Variants in TSR1 observed in about 807,000 individuals in gnomAD.
TSR1 encodes the protein TSR1 ribosome maturation factor.
A neutral mutation model predicts 90.9 loss-of-function variants in TSR1; 81 were observed. That is an observed-to-expected ratio of 0.89 (90% CI 0.74 to 1.07). The LOEUF is 1.07. Among genes scored for constraint, TSR1 ranks in the 50% least tolerant of loss-of-function variants. The probability of loss-of-function intolerance (pLI) is 0.00; values close to 1 mark genes in which losing one functional copy is unlikely to be tolerated. For synonymous variants in TSR1, 362 were observed against 348.8 expected, an observed-to-expected ratio of 1.04 and a Z score of -0.42; for missense variants, 989 against 987.3, an observed-to-expected ratio of 1.00 and a Z score of -0.02.
intron 9 of TSR1, 88 bp downstream of exon 9, chr17:2,330,859 G>T: frequency 6.9e-7 from 1 of 1,448,542 alleles, no homozygotes; most frequent in Non-Finnish European, 9.3e-7. Flanking sequence ...CCCAAATGCA[G>T]CATATTTTCA....
Position 2,336,382 on chromosome 17 carries a change from G to A in TSR1, c.46C>T (p.His16Tyr). 2 of 1,613,560 alleles carry A rather than the reference G, an allele frequency of 1.2e-6. No individual in the cohort carries two copies. The highest frequency in any genetic ancestry group is 1.7e-6 in the Non-Finnish European group (2 of 1,180,040). Residue 16 changes from histidine to tyrosine, a missense_variant, in exon 1 of 15, where the codon CAT becomes TAT. Coordinates refer to ENST00000301364, the MANE Select transcript of TSR1 (RefSeq NM_018128.5). ...CGACCCCGATGCCGTCCGCCTTTAT[G>A]AGCTTTATTCTGCTGCTTGAGCGGG... ...PGPLKQQNKA[H>Y]KGGRHRGRGS...
intron 10 of TSR1, chr17:2,330,246 C>A: frequency 1.7e-6 from 1 of 580,260 alleles, no homozygotes; most frequent in South Asian, 1.4e-5. Context: ...AGGCTGCCAA[C>A]CCTTATTCAA....
At chr17:2,329,241 A>C in intron 11 of TSR1, 102 bp downstream of exon 11, 11 of 1,532,284 alleles carry the variant, frequency 7.2e-6, no homozygotes, top group South Asian at 1.1e-5. Flanking sequence ...CCTCTAACCC[A>C]GAGATGTAAG....
In TSR1 at chr17:2,325,943, T is replaced by A. The variant is rs552248345; in HGVS notation, c.1904-523A>T. Among the ~76,000 whole-genome samples the A allele has an allele frequency of 1.3e-4, 20 of 152,284 alleles. No individual in the cohort carries two copies. The East Asian group carries it at 1.9e-3, about 15-fold the overall frequency. On this transcript the variant is annotated intron_variant, in intron 11 of 14. Coordinates refer to ENST00000301364, the MANE Select transcript of TSR1 (RefSeq NM_018128.5). ...TAACTTTTTATTTATTTATTTATTT[T>A]GAGATGGTGTCTCGCTCTTGTTGCC...
intron 11 of TSR1, among the ~76,000 whole-genome samples, chr17:2,326,336 G>A (rs2075575905): frequency 6.6e-6 from 1 of 152,086 alleles, no homozygotes; most frequent in African/African-American, 2.4e-5. Flanking sequence ...CTAGGACGAT[G>A]TTCAGAAGCC....
intron 10 of TSR1, chr17:2,330,107 C>G: frequency 2.8e-6 from 1 of 358,586 alleles, no homozygotes; most frequent in Non-Finnish European, 5.5e-6. Flanking sequence ...TTGGTAGAGA[C>G]AGGGTTCCTC....
At chr17:2,325,484 T>C in intron 11 of TSR1, 64 bp from the exon 12 acceptor site, 1 of 1,234,000 alleles carries the variant, frequency 8.1e-7, no homozygotes, top group Non-Finnish European at 1.2e-6. Flanking sequence ...GATAGAGGCC[T>C]GTGAAAAGCT....
chr17:2,333,079 C>G lies in TSR1; in HGVS notation c.1187G>C (p.Gly396Ala). Reference sequence around the variant, plus strand: ...CCATTCAGCTTGGTAACTGGATGTTCCTTTGGGGACCTTCTTTACCACCTT... The same window carrying G: ...CCATTCAGCTTGGTAACTGGATGTTGCTTTGGGGACCTTCTTTACCACCTT... ...SSKVVKKVPKGTSSYQAEWIL... is the reference protein window; with the variant it reads ...SSKVVKKVPKATSSYQAEWIL... The change falls in exon 7 of 15, where the codon GGA (glycine) becomes GCA (alanine). Residue 396 changes from glycine to alanine, a missense_variant. Coordinates refer to ENST00000301364, the MANE Select transcript of TSR1 (RefSeq NM_018128.5). 6.2e-7 allele frequency: 1 copy of G among 1,614,132 alleles called. No individual in the cohort carries two copies. Among genetic ancestry groups the G allele is most frequent in the Non-Finnish European group, 8.5e-7 (1 of 1,180,030 alleles).
chr17:2,331,909 G>C (rs1343591277), intron 8 of TSR1, among the ~76,000 whole-genome samples: 1 of 152,056 alleles, frequency 6.6e-6, no homozygotes, highest in Non-Finnish European at 1.5e-5. Flanking sequence ...TGGCTCCTTT[G>C]GGAAGAAGTA....
Position 2,323,545 on chromosome 17 carries a change from G to T in TSR1, c.*651C>A. On this transcript the variant is annotated 3_prime_UTR_variant, in exon 15 of 15. Transcript: ENST00000301364. ...TAAAGAAAAGCTTTGGGAAGCGTGT[G>T]TACACAGTGATAAGAAAATTCAAAC... The T allele has an allele frequency of 7.8e-7, 1 of 1,273,888 alleles. No homozygotes were observed. The highest frequency in any genetic ancestry group is 1.1e-6 in the Non-Finnish European group (1 of 894,824). The allele number at this position is 1,273,888 out of a possible 1,614,324, so 78.9% of individuals were successfully genotyped here. A position where few individuals can be genotyped will look rare whatever the true frequency, so the allele number is the denominator to read the frequency against.
rs759910186 is a variant in TSR1, at chr17:2,335,550, G to A, written c.382C>T (p.Arg128Cys). The change falls in exon 3 of 15, where the codon CGC (arginine) becomes TGC (cysteine). Residue 128 changes from arginine to cysteine, a missense_variant. Transcript: ENST00000301364. ...GTGAAAAACCACCGATGTTTCAAGC[G>A]GGGGCACAGCAGCATAAAGTTCTGG... is the stretch of plus-strand genomic sequence containing the variant. Reference protein sequence around the residue: ...NTQNFMLLCPRLKHRWFFTSA... With the variant: ...NTQNFMLLCPCLKHRWFFTSA... 4.3e-6 allele frequency: 7 copies of A among 1,613,942 alleles called. No individual in the cohort carries two copies. In the African/African-American group the frequency reaches 5.3e-5, roughly 12 times the overall value.
chr17:2,332,765 A>C (rs188660411), intron 7 of TSR1, among the ~76,000 whole-genome samples, 196 bp downstream of exon 7: 48 of 152,244 alleles, frequency 3.2e-4, no homozygotes, highest in African/African-American at 1.2e-3. Context: ...TGAACCCAGG[A>C]GGGAGAGCTT....
rs763726412 is a variant in TSR1 at position 2,335,663 on chromosome 17, A to G, written c.269T>C (p.Leu90Pro). The change falls in exon 3 of 15, where the codon CTG becomes CCG. Residue 90 changes from leucine to proline, a missense_variant. By Grantham distance (98) the Leu-to-Pro change is moderately conservative. Transcript: ENST00000301364. Reference sequence around the variant, plus strand: ...CTCTGGCAGGGAAATTCTGCTGTGCAGGGGCACCACCAGTACCTGATGAGG... The same window carrying G: ...CTCTGGCAGGGAAATTCTGCTGTGCGGGGGCACCACCAGTACCTGATGAGG... ...GPPHQVLVVPLHSRISLPEAM... is the reference protein window; with the variant it reads ...GPPHQVLVVPPHSRISLPEAM... 6.2e-7 allele frequency: 1 copy of G among 1,614,102 alleles called. No individual in the cohort carries two copies. The highest frequency in any genetic ancestry group is 2.2e-5 in the East Asian group (1 of 44,876).
At position 2,323,555 on chromosome 17, in the gene TSR1, A is replaced by G; in HGVS notation, c.*641T>C. The G allele has an allele frequency of 7.6e-7, 1 of 1,323,476 alleles. No individual in the cohort carries two copies. The allele number at this position is 1,323,476 out of a possible 1,614,324, so 82.0% of individuals were successfully genotyped here. The stretch of plus-strand genomic sequence containing the variant: ...CTTTGGGAAGCGTGTGTACACAGTG[A>G]TAAGAAAATTCAAACTGGACACGTA... On this transcript the variant is annotated 3_prime_UTR_variant, in exon 15 of 15. Transcript: ENST00000301364.
In TSR1 at chr17:2,323,348, G is replaced by C. The variant is rs1243270658; in HGVS notation, c.*848C>G. 6 of 1,613,780 alleles carry C rather than the reference G, an allele frequency of 3.7e-6. No individual in the cohort carries two copies. Among genetic ancestry groups the C allele is most frequent in the Non-Finnish European group, 5.1e-6 (6 of 1,179,850 alleles). ...CTGTCACAGAGGATGAAATTAAGGT[G>C]AGGCTCCAGCAAGAAAAGAAATAGC... On this transcript the variant is annotated 3_prime_UTR_variant, in exon 15 of 15. Transcript: ENST00000301364.
chr17:2,324,453 T>G, intron 14 of TSR1, 51 bp downstream of exon 14: 1 of 1,613,354 alleles, frequency 6.2e-7, no homozygotes, highest in Non-Finnish European at 8.5e-7. Flanking sequence ...AACAGTCATT[T>G]AGCAACACTG....
rs1010337555 is a variant in TSR1 at position 2,333,176 on chromosome 17, C to T, written c.1142-52G>A. On this transcript the variant is annotated intron_variant, in intron 6 of 14. Transcript: ENST00000301364. ...AATTACAGACTTCTTTTCCCTATCC[C>T]TCTGGTTATTCTCACCTAGGCAAGG... The T allele has an allele frequency of 4.4e-6, 7 of 1,597,852 alleles. No individual in the cohort carries two copies. In the African/African-American group the frequency reaches 9.4e-5, roughly 21 times the overall value.
rs143126427 is a variant in TSR1 at position 2,330,787 on chromosome 17, A to T, written c.1659+160T>A. Among the ~76,000 whole-genome samples the T allele has an allele frequency of 4.5e-3, 683 of 152,318 alleles. 4 individuals carry two copies. Among genetic ancestry groups the T allele is most frequent in the Non-Finnish European group, 6.8e-3 (463 of 68,030 alleles). On this transcript the variant is annotated intron_variant, in intron 9 of 14. Coordinates refer to ENST00000301364, the MANE Select transcript of TSR1 (RefSeq NM_018128.5). ...CCCAGATCACACTTTTTCATTTAAC[A>T]TAGCTGATACCTCTTTGTTCCCAGT...
At position 2,334,568 on chromosome 17, in the gene TSR1, A is replaced by C. The variant is rs749834145; in HGVS notation, c.885T>G (p.Gly295=). The C allele has an allele frequency of 1.2e-6, 2 of 1,614,146 alleles. No homozygotes were observed. Among genetic ancestry groups the C allele is most frequent in the South Asian group, 2.2e-5 (2 of 91,086 alleles). Residue 295 remains glycine, a synonymous_variant, in exon 5 of 15, where the codon GGT becomes GGG. Transcript: ENST00000301364. ...CATCTATCTGTTTCATCTGGAAATCACCATATCCAACGATATGCAGCAACC... is the reference window on the plus strand; with the variant it reads ...CATCTATCTGTTTCATCTGGAAATCCCCATATCCAACGATATGCAGCAACC... ...VNRLLHIVGY[G]DFQMKQIDAP...
Sources: allele counts gnomAD v4.1 joint callset (sites outside exome capture counted in the v4.1 genomes callset), GRCh38; gene constraint gnomAD v4.1.1; transcripts MANE v1.5; gene names NCBI Gene and HGNC (gene_info 2026-07-23, HGNC 2026-07-21).